The following MEGF11 variants were observed in gnomAD, a reference collection of about 807,000 sequenced individuals.
MEGF11 encodes the protein multiple epidermal growth factor-like domains protein 11.
A neutral mutation model predicts 146.6 loss-of-function variants in MEGF11; 126 were observed. The observed-to-expected ratio is 0.86, with a 90% confidence interval of 0.74 to 1.00. The LOEUF (loss-of-function observed/expected upper bound fraction) is 1.00, where lower values mean the gene tolerates loss of function less well. Ranked by LOEUF, MEGF11 falls within the 50% of genes least tolerant of loss-of-function variation. The pLI, the probability that MEGF11 is intolerant of heterozygous loss-of-function variation, is 0.00. For synonymous variants in MEGF11, 532 were observed against 583.4 expected, an observed-to-expected ratio of 0.91 and a Z score of 1.27; for missense variants, 1,509 against 1,521.2, an observed-to-expected ratio of 0.99 and a Z score of 0.13.
intron 9 of MEGF11, among the ~76,000 whole-genome samples, chr15:65,958,901 C>G (rs779626271): frequency 9.9e-5 from 15 of 152,196 alleles, no homozygotes; most frequent in Non-Finnish European, 2.1e-4. Flanking sequence ...ACTGGCCTGC[C>G]TGCTCTGGAG....
chr15:66,104,230 G>C (rs1175974572), intron 4 of MEGF11, among the ~76,000 whole-genome samples: 1 of 152,192 alleles, frequency 6.6e-6, no homozygotes, highest in Non-Finnish European at 1.5e-5. Context: ...CTTGTCTGGA[G>C]TTACAGCTTT....
intron 5 of MEGF11, among the ~76,000 whole-genome samples, chr15:66,003,165 TG>T (rs1452178172): frequency 5.3e-5 from 8 of 152,092 alleles, no homozygotes; most frequent in Admixed American, 3.9e-4. Flanking sequence ...GGCTAATTTT[TG>T]TATTTTTAGT....
chr15:66,250,428 T>C (rs55882547), intron 1 of MEGF11, among the ~76,000 whole-genome samples: 23,935 of 152,186 alleles, frequency 0.16, 2,983 homozygotes, highest in African/African-American at 0.34. Context: ...TTTAAGCCTA[T>C]GGAGGAGAGA....
chr15:66,230,339 C>T (rs150022589), intron 1 of MEGF11, among the ~76,000 whole-genome samples: 16 of 152,332 alleles, frequency 1.1e-4, no homozygotes, highest in African/African-American at 3.8e-4. Flanking sequence ...ACCTCCCCCA[C>T]TAGATTGTAA....
chr15:66,021,264 G>A (rs950015286), intron 5 of MEGF11, among the ~76,000 whole-genome samples: 3 of 152,182 alleles, frequency 2.0e-5, no homozygotes, highest in African/African-American at 7.2e-5. Flanking sequence ...TGGGCTCAGG[G>A]TCAGGAAGCC....
intron 5 of MEGF11, among the ~76,000 whole-genome samples, chr15:66,012,814 G>C (rs533548178): frequency 6.4e-4 from 97 of 152,294 alleles, no homozygotes; most frequent in Non-Finnish European, 8.1e-4. Context: ...GCTTCCCCTA[G>C]GAGCCCTGGG....
intron 1 of MEGF11, among the ~76,000 whole-genome samples, chr15:66,225,795 C>T (rs186817649): frequency 1.3e-5 from 2 of 152,254 alleles, no homozygotes; most frequent in East Asian, 3.9e-4. Context: ...TACAAGCACA[C>T]ACTCGCATAA....
At chr15:66,085,624 G>A (rs1279811015) in intron 5 of MEGF11, among the ~76,000 whole-genome samples, 2 of 152,186 alleles carry the variant, frequency 1.3e-5, no homozygotes, top group Admixed American at 1.3e-4. Flanking sequence ...TAGGAAAAGG[G>A]GGAGAGTACT....
At chr15:66,077,962 G>C (rs1301051902) in intron 5 of MEGF11, among the ~76,000 whole-genome samples, 1 of 152,192 alleles carries the variant, frequency 6.6e-6, no homozygotes, top group African/African-American at 2.4e-5. Flanking sequence ...AGCACTTCCC[G>C]GCAGGCAATA....
intron 21 of MEGF11, chr15:65,910,113 G>A: frequency 1.9e-6 from 1 of 523,164 alleles, no homozygotes; most frequent in South Asian, 1.7e-5. Flanking sequence ...GGGTGGGGCT[G>A]AGCTTTAGGA....
At chr15:65,970,074 A>C (rs2081252764) in intron 8 of MEGF11, among the ~76,000 whole-genome samples, 1 of 152,216 alleles carries the variant, frequency 6.6e-6, no homozygotes, top group Admixed American at 6.5e-5. Context: ...GTTTCATTCC[A>C]GGACATTGGC....
intron 4 of MEGF11, among the ~76,000 whole-genome samples, chr15:66,099,923 CAG>C (rs1212656883): frequency 6.6e-6 from 1 of 152,072 alleles, no homozygotes; most frequent in Non-Finnish European, 1.5e-5. Flanking sequence ...AGACACAGTC[CAG>C]AGTCAACTCA....
intron 9 of MEGF11, among the ~76,000 whole-genome samples, chr15:65,963,222 T>G (rs1045983850): frequency 1.3e-5 from 2 of 152,316 alleles, no homozygotes; most frequent in African/African-American, 4.8e-5. Flanking sequence ...TGCAACAGTC[T>G]GAGCCAGCTG....
At chr15:66,027,276 A>C (rs2083365488) in intron 5 of MEGF11, among the ~76,000 whole-genome samples, 1 of 152,258 alleles carries the variant, frequency 6.6e-6, no homozygotes, top group South Asian at 2.1e-4. Context: ...CCACAGGCTG[A>C]GTCCACACTA....
At chr15:66,178,616 T>C (rs1436042066) in intron 1 of MEGF11, among the ~76,000 whole-genome samples, 1 of 152,186 alleles carries the variant, frequency 6.6e-6, no homozygotes, top group Non-Finnish European at 1.5e-5. Context: ...TAGGGCAGCA[T>C]TTAAGGAAGC....
chr15:65,931,079 A>C, intron 10 of MEGF11, 136 bp from the exon 11 acceptor site: 2 of 1,128,154 alleles, frequency 1.8e-6, no homozygotes, highest in South Asian at 4.3e-5. Flanking sequence ...GTTACCTTAC[A>C]TGGCAAAAAG....
chr15:66,177,197 C>A (rs1038257630), intron 1 of MEGF11, among the ~76,000 whole-genome samples: 1 of 152,100 alleles, frequency 6.6e-6, no homozygotes, highest in African/African-American at 2.4e-5. Context: ...AAAATCCCCA[C>A]AAGGAGTTAA....
At chr15:66,074,170 C>G (rs2085480632) in intron 5 of MEGF11, among the ~76,000 whole-genome samples, 2 of 152,178 alleles carry the variant, frequency 1.3e-5, no homozygotes, top group Admixed American at 1.3e-4. Flanking sequence ...TGGATCCTTT[C>G]TATGCCTGTA....
chr15:65,952,448 T>TC (rs1309614678), intron 10 of MEGF11, among the ~76,000 whole-genome samples: 3 of 152,034 alleles, frequency 2.0e-5, no homozygotes, highest in Non-Finnish European at 4.4e-5. Flanking sequence ...TGAAGAAAGG[T>TC]CCTCACCTCC....
Sources: allele counts gnomAD v4.1 joint callset (sites outside exome capture counted in the v4.1 genomes callset), GRCh38; gene constraint gnomAD v4.1.1; transcripts MANE v1.5; gene names NCBI Gene and HGNC (gene_info 2026-07-23, HGNC 2026-07-21).